The following SLC8A1 variants were observed in gnomAD, a reference collection of about 807,000 sequenced individuals.
SLC8A1 encodes solute carrier family 8 member A1, also known as sodium/calcium exchanger 1.
Under a neutral mutation model 68.3 loss-of-function variants are expected in SLC8A1, and 18 were observed. The ratio of observed to expected loss-of-function variants is 0.26; its 90% CI spans 0.18 to 0.39. The LOEUF is 0.39. Among genes scored for constraint, SLC8A1 ranks in the 10% least tolerant of loss-of-function variants. SLC8A1 has a pLI of 1.00. For missense variants in SLC8A1, 985 were observed against 1,156.7 expected (o/e 0.85, Z 2.15); for synonymous variants, 475 against 415.5 (o/e 1.14, Z -1.74).
intron 7 of SLC8A1, among the ~76,000 whole-genome samples, chr2:40,128,879 G>A (rs2038728717): frequency 6.6e-6 from 1 of 152,164 alleles, no homozygotes; most frequent in Non-Finnish European, 1.5e-5. Flanking sequence ...CTATCATGTA[G>A]AGAATCCATG....
At chr2:40,199,639 G>A (rs1204558872) in intron 2 of SLC8A1, among the ~76,000 whole-genome samples, 2 of 151,762 alleles carry the variant, frequency 1.3e-5, no homozygotes, top group Admixed American at 1.3e-4. Context: ...AGCAGAACAA[G>A]TTCTGCTATA....
intron 2 of SLC8A1, among the ~76,000 whole-genome samples, chr2:40,252,951 A>G (rs1255099188): frequency 2.2e-4 from 22 of 100,512 alleles, no homozygotes; most frequent in South Asian, 5.0e-4. Flanking sequence ...ACATATATAC[A>G]TATGTGTGTA....
At chr2:40,323,800 A>T (rs2075492291) in intron 2 of SLC8A1, among the ~76,000 whole-genome samples, 1 of 152,100 alleles carries the variant, frequency 6.6e-6, no homozygotes, top group African/African-American at 2.4e-5. Context: ...TGTTTAAGGG[A>T]TATGAAGTGA....
intron 2 of SLC8A1, among the ~76,000 whole-genome samples, chr2:40,312,913 G>T (rs59961159): frequency 6.6e-6 from 1 of 151,998 alleles, no homozygotes; most frequent in African/African-American, 2.4e-5. Context: ...TGAACATAAA[G>T]TGTTCAATGC....
intron 1 of SLC8A1, among the ~76,000 whole-genome samples, chr2:40,449,896 T>A (rs1031128410): frequency 4.6e-5 from 7 of 152,122 alleles, no homozygotes; most frequent in African/African-American, 4.8e-5. Flanking sequence ...ATCATTTTTT[T>A]AAAAAAAGAC....
intron 2 of SLC8A1, among the ~76,000 whole-genome samples, chr2:40,235,578 G>C (rs1334349124): frequency 0.021 from 3,161 of 151,946 alleles, 116 homozygotes; most frequent in African/African-American, 0.071. Flanking sequence ...TTTTTGAAGG[G>C]TTTTTGGTGT....
At chr2:40,486,353 A>C (rs558495580) in intron 1 of SLC8A1, among the ~76,000 whole-genome samples, 1 of 152,326 alleles carries the variant, frequency 6.6e-6, no homozygotes, top group East Asian at 1.9e-4. Flanking sequence ...CAAAAGAAAT[A>C]ATATGCTGTG....
At chr2:40,441,374 T>G (rs1055754368) in intron 1 of SLC8A1, among the ~76,000 whole-genome samples, 2 of 145,734 alleles carry the variant, frequency 1.4e-5, no homozygotes, top group African/African-American at 5.2e-5. Flanking sequence ...CAAACTACCA[T>G]TGACTTTCTT....
chr2:40,435,309 G>C (rs1206896770), intron 1 of SLC8A1, among the ~76,000 whole-genome samples: 1 of 152,152 alleles, frequency 6.6e-6, no homozygotes, highest in African/African-American at 2.4e-5. Context: ...ACAAAGAGAT[G>C]ATGCCAGAGG....
intron 1 of SLC8A1, among the ~76,000 whole-genome samples, chr2:40,478,018 G>T (rs1704396959): frequency 6.6e-6 from 1 of 152,092 alleles, no homozygotes; most frequent in Non-Finnish European, 1.5e-5. Context: ...GCCTCCTTTG[G>T]CTATAGGTTT....
chr2:40,465,893 A>T (rs1436680707), intron 1 of SLC8A1, among the ~76,000 whole-genome samples: 1 of 152,170 alleles, frequency 6.6e-6, no homozygotes, highest in Admixed American at 6.5e-5. Context: ...ATTAACACCA[A>T]TATAGAACGG....
At chr2:40,397,970 G>C (rs1227966362) in intron 2 of SLC8A1, among the ~76,000 whole-genome samples, 1 of 152,158 alleles carries the variant, frequency 6.6e-6, no homozygotes, top group African/African-American at 2.4e-5. Context: ...ACATTAAACA[G>C]CTGAGCCAAC....
chr2:40,308,850 G>A (rs2073156590), intron 2 of SLC8A1, among the ~76,000 whole-genome samples: 2 of 152,096 alleles, frequency 1.3e-5, no homozygotes, highest in African/African-American at 4.8e-5. Context: ...CTTCTCTGGA[G>A]GCTTTTAAAA....
chr2:40,421,944 A>G (rs13414307), intron 2 of SLC8A1, among the ~76,000 whole-genome samples: 81,755 of 151,906 alleles, frequency 0.54, 22,988 homozygotes, highest in African/African-American at 0.7. Context: ...AATGCTTCCC[A>G]TATTGTTAAT....
intron 2 of SLC8A1, chr2:40,178,457 C>T: frequency 6.2e-7 from 1 of 1,613,746 alleles, no homozygotes; most frequent in Non-Finnish European, 8.5e-7. Context: ...TTTTCTCATA[C>T]TCCTCATCAT....
intron 2 of SLC8A1, among the ~76,000 whole-genome samples, chr2:40,336,035 G>A (rs888726453): frequency 3.3e-5 from 5 of 152,220 alleles, no homozygotes; most frequent in Admixed American, 1.3e-4. Flanking sequence ...AGGCAGACAA[G>A]ATAGGGTGGC....
intron 2 of SLC8A1, among the ~76,000 whole-genome samples, chr2:40,391,314 G>T (rs1369011027): frequency 6.6e-6 from 1 of 151,908 alleles, no homozygotes; most frequent in Admixed American, 6.6e-5. Flanking sequence ...CTCAGAAAGG[G>T]AAAGTGATGT....
intron 1 of SLC8A1, among the ~76,000 whole-genome samples, chr2:40,442,496 T>C (rs1368333973): frequency 6.6e-6 from 1 of 150,586 alleles, no homozygotes; most frequent in Admixed American, 6.6e-5. Context: ...AACAAACATA[T>C]CAAGAAAAGC....
At chr2:40,485,383 A>C (rs1704896784) in intron 1 of SLC8A1, among the ~76,000 whole-genome samples, 1 of 152,180 alleles carries the variant, frequency 6.6e-6, no homozygotes, top group Admixed American at 6.5e-5. Context: ...GGCATTTAAA[A>C]ATAACTGATT....
Sources: gnomAD v4.1 joint callset for allele counts (sites outside exome capture counted in the v4.1 genomes callset) on GRCh38, gnomAD v4.1.1 for gene constraint, MANE v1.5 for transcripts, NCBI Gene and HGNC (gene_info 2026-07-23, HGNC 2026-07-21) for gene names.